Variants in AGBL3 observed in about 807,000 individuals in gnomAD.
The protein encoded by AGBL3 is cytosolic carboxypeptidase 3.
Under a neutral mutation model 94.5 loss-of-function variants are expected in AGBL3, and 68 were observed. That is an observed-to-expected ratio of 0.72 (90% CI 0.59 to 0.88). AGBL3 has a LOEUF of 0.88. AGBL3 is among the 40% of genes least tolerant of loss of function. The pLI is 0.00. For missense variants in AGBL3, 934 were observed against 1,103.8 expected (o/e 0.85, Z 2.18); for synonymous variants, 354 against 370.7 (o/e 0.95, Z 0.52).
chr7:135,073,979 A>G lies in AGBL3; in HGVS notation c.1909-2418A>G, dbSNP rs1820219940. ...GGTGGTCTCCTCCCTTAAGATGAAT[A>G]CATTTTGAAGACCTAATGTACAATG... On this transcript the variant is annotated intron_variant, in intron 12 of 16. Coordinates refer to ENST00000436302, the MANE Select transcript of AGBL3 (RefSeq NM_178563.4). Among the ~76,000 whole-genome samples the G allele has an allele frequency of 2.6e-5, 4 of 152,148 alleles. No individual in the cohort carries two copies. The South Asian group carries it at 8.3e-4, about 32-fold the overall frequency.
intron 11 of AGBL3, among the ~76,000 whole-genome samples, chr7:135,050,597 C>T (rs1401567171): frequency 3.9e-5 from 6 of 151,900 alleles, no homozygotes; most frequent in Admixed American, 3.9e-4. Context: ...TTGTATCTTC[C>T]TAGTGGATTG....
At chr7:135,005,749 G>A (rs1171378563) in intron 4 of AGBL3, among the ~76,000 whole-genome samples, 2 of 151,854 alleles carry the variant, frequency 1.3e-5, no homozygotes, top group Non-Finnish European at 3.0e-5. Context: ...TATTAGATTA[G>A]TAGAAGAGAA....
chr7:134,991,078 G>C (rs1319106592), intron 3 of AGBL3, among the ~76,000 whole-genome samples: 1 of 151,900 alleles, frequency 6.6e-6, no homozygotes, highest in Admixed American at 6.6e-5. Context: ...TAGTTCAGGG[G>C]TTTTGAGACT....
intron 16 of AGBL3, among the ~76,000 whole-genome samples, chr7:135,124,326 A>G (rs1005670193): frequency 1.3e-5 from 2 of 152,150 alleles, no homozygotes; most frequent in Non-Finnish European, 2.9e-5. Context: ...GGTAAAGGGA[A>G]CAATTCAACA....
At chr7:135,107,583 T>A (rs1824933277) in intron 15 of AGBL3, among the ~76,000 whole-genome samples, 1 of 152,194 alleles carries the variant, frequency 6.6e-6, no homozygotes, top group South Asian at 2.1e-4. Flanking sequence ...TAGGAGTGTG[T>A]TGGTTATGAT....
chr7:134,987,358 A>G (rs1471422172), intron 1 of AGBL3, among the ~76,000 whole-genome samples: 2 of 152,212 alleles, frequency 1.3e-5, no homozygotes, highest in Non-Finnish European at 2.9e-5. Flanking sequence ...TACCAATACA[A>G]CCTTCTGGTA....
At chr7:135,065,882 C>T (rs1158660436) in intron 12 of AGBL3, among the ~76,000 whole-genome samples, 1 of 152,022 alleles carries the variant, frequency 6.6e-6, no homozygotes, top group Non-Finnish European at 1.5e-5. Flanking sequence ...CAGAATGAGA[C>T]CCTGTATCAA....
intron 11 of AGBL3, among the ~76,000 whole-genome samples, chr7:135,048,028 G>A (rs1158101549): frequency 6.6e-6 from 1 of 151,838 alleles, no homozygotes; most frequent in South Asian, 2.1e-4. Flanking sequence ...CCCATTTTGA[G>A]TTGACTTTTT....
chr7:135,021,244 T>A (rs1160379341), intron 5 of AGBL3, among the ~76,000 whole-genome samples: 2 of 152,130 alleles, frequency 1.3e-5, no homozygotes, highest in Non-Finnish European at 2.9e-5. Context: ...TGATATTCAA[T>A]CTTGTTATTA....
intron 11 of AGBL3, among the ~76,000 whole-genome samples, chr7:135,051,401 A>G (rs1817861070): frequency 6.6e-6 from 1 of 152,080 alleles, no homozygotes; most frequent in South Asian, 2.1e-4. Context: ...AGACCAATTA[A>G]ATTGGCCTGT....
At chr7:135,018,366 A>G (rs1814044997) in intron 5 of AGBL3, among the ~76,000 whole-genome samples, 1 of 152,242 alleles carries the variant, frequency 6.6e-6, no homozygotes, top group East Asian at 1.9e-4. Flanking sequence ...ATGTTCTACA[A>G]GTGCCTCCCA....
intron 4 of AGBL3, among the ~76,000 whole-genome samples, chr7:135,009,229 G>C (rs551854304): frequency 2.2e-4 from 34 of 152,264 alleles, no homozygotes; most frequent in Admixed American, 7.8e-4. Context: ...CAACCCAAAT[G>C]TCCATCAATG....
At chr7:134,993,167 CGTT>C (rs1810517547) in intron 3 of AGBL3, among the ~76,000 whole-genome samples, 1 of 152,122 alleles carries the variant, frequency 6.6e-6, no homozygotes, top group Admixed American at 6.5e-5. Flanking sequence ...GTATTTAACT[CGTT>C]AGACAAATAG....
At chr7:135,088,662 A>T (rs1357785780) in intron 15 of AGBL3, among the ~76,000 whole-genome samples, 1 of 151,990 alleles carries the variant, frequency 6.6e-6, no homozygotes, top group Non-Finnish European at 1.5e-5. Flanking sequence ...CTTGACTGGC[A>T]ATTTTTTTTC....
At chr7:135,117,755 C>G (rs980598327) in intron 16 of AGBL3, among the ~76,000 whole-genome samples, 1 of 152,216 alleles carries the variant, frequency 6.6e-6, no homozygotes, top group Non-Finnish European at 1.5e-5. Context: ...ACACCTATAT[C>G]AGATACTTTT....
chr7:135,117,333 T>C (rs1826461626), intron 16 of AGBL3, among the ~76,000 whole-genome samples: 1 of 150,548 alleles, frequency 6.6e-6, no homozygotes, highest in Non-Finnish European at 1.5e-5. Flanking sequence ...CTAGACCCTA[T>C]TCATTTTGGC....
At chr7:135,053,700 A>G (rs542725986) in intron 11 of AGBL3, among the ~76,000 whole-genome samples, 1 of 152,346 alleles carries the variant, frequency 6.6e-6, no homozygotes, top group African/African-American at 2.4e-5. Context: ...TAATTCCTGT[A>G]TTGTGACAAA....
intron 15 of AGBL3, among the ~76,000 whole-genome samples, chr7:135,089,526 C>A (rs937146124): frequency 6.6e-6 from 1 of 152,182 alleles, no homozygotes; most frequent in African/African-American, 2.4e-5. Context: ...CTTTCACCTA[C>A]AGTTGGGTTT....
chr7:135,000,916 G>A (rs1187494947), intron 4 of AGBL3, among the ~76,000 whole-genome samples: 1 of 152,148 alleles, frequency 6.6e-6, no homozygotes, highest in African/African-American at 2.4e-5. Flanking sequence ...ACACGTCATT[G>A]ATTAAAGGTG....
Sources: gnomAD v4.1 joint callset for allele counts (sites outside exome capture counted in the v4.1 genomes callset) on GRCh38, gnomAD v4.1.1 for gene constraint, MANE v1.5 for transcripts, NCBI Gene and HGNC (gene_info 2026-07-23, HGNC 2026-07-21) for gene names.